ITPA: variants seen among roughly 807,000 people sequenced by gnomAD.
The protein encoded by ITPA is inosine triphosphatase, also known as inosine triphosphate pyrophosphatase.
ITPA carries 29 observed loss-of-function variants against 29.6 expected under a neutral mutation model. The ratio of observed to expected loss-of-function variants is 0.98; its 90% CI spans 0.73 to 1.34. The LOEUF (loss-of-function observed/expected upper bound fraction) is 1.34. ITPA is among the 40% of genes most tolerant of loss of function. The pLI is 0.00. For synonymous variants in ITPA, 103 were observed against 99.3 expected, an observed-to-expected ratio of 1.04 and a Z score of -0.22; for missense variants, 241 against 251.5, an observed-to-expected ratio of 0.96 and a Z score of 0.28.
At chr20:3,220,055 A>C (rs1395865589) in intron 6 of ITPA, among the ~76,000 whole-genome samples, 2 of 148,452 alleles carry the variant, frequency 1.3e-5, no homozygotes, top group South Asian at 2.2e-4. Context: ...AAAAAAAAAA[A>C]AAAAAAACAA....
downstream of ITPA, among the ~76,000 whole-genome samples, chr20:3,225,105 G>A (rs1266238610): frequency 6.6e-6 from 1 of 152,068 alleles, no homozygotes; most frequent in Non-Finnish European, 1.5e-5. Flanking sequence ...TCAGGATTCC[G>A]AGGTGGGAGG....
chr20:3,224,139 A>C (rs562805234), downstream of ITPA, among the ~76,000 whole-genome samples: 110 of 152,276 alleles, frequency 7.2e-4, no homozygotes, highest in African/African-American at 2.5e-3. Flanking sequence ...TGGCACGCCC[A>C]GTGCTTTTGC....
chr20:3,218,108 C>T (rs189402658), intron 5 of ITPA, among the ~76,000 whole-genome samples: 4 of 150,904 alleles, frequency 2.7e-5, no homozygotes, highest in African/African-American at 2.4e-5. Context: ...TTAGTAGAGA[C>T]GGGGTTTCAC....
upstream of ITPA, among the ~76,000 whole-genome samples, chr20:3,205,472 G>A (rs912159896): frequency 6.6e-6 from 1 of 152,170 alleles, no homozygotes; most frequent in Admixed American, 6.6e-5. Flanking sequence ...ACTTTGGGAA[G>A]TCTAGGTAGA....
At chr20:3,204,211 T>C (rs1355643072), upstream of ITPA, among the ~76,000 whole-genome samples, 2 of 151,884 alleles carry the variant, frequency 1.3e-5, no homozygotes, top group Non-Finnish European at 1.5e-5. Context: ...CCCTAACAGG[T>C]GCAGAGGGAA....
intron 6 of ITPA, among the ~76,000 whole-genome samples, chr20:3,219,437 C>T: frequency 6.6e-6 from 1 of 151,804 alleles, no homozygotes; most frequent in East Asian, 1.9e-4. Context: ...AACAAGACCC[C>T]ATCTTTGCAA....
chr20:3,204,461 C>T (rs1256881534), upstream of ITPA: 3 of 1,436,422 alleles, frequency 2.1e-6, no homozygotes, highest in Non-Finnish European at 2.8e-6. Context: ...GCAGGAGCCG[C>T]GGCGCGACGG....
upstream of ITPA, among the ~76,000 whole-genome samples, chr20:3,207,986 A>T (rs1652304540): frequency 2.4e-5 from 3 of 127,346 alleles, no homozygotes; most frequent in Admixed American, 2.5e-4. Flanking sequence ...CTAGAGCAAG[A>T]CTCCGTCTCA....
rs370326110 is a variant in ITPA at position 3,218,631 on chromosome 20, C to T, written c.410C>T (p.Ser137Leu). 6.2e-7 allele frequency: 1 copy of T among 1,607,348 alleles called. No homozygotes were observed. The highest frequency in any genetic ancestry group is 1.3e-5 in the African/African-American group (1 of 74,824). ...GTGCGCCTGTTCAGGGGCCGGACCT[C>T]GGTGCGTACCCACCTTGATGCAGTT... Reference protein sequence around the residue: ...QPVRLFRGRTSGRIVAPRGCQ... With the variant: ...QPVRLFRGRTLGRIVAPRGCQ... Residue 137 changes from serine to leucine, a missense_variant and splice_region_variant, in exon 6 of 8, where the codon TCG becomes TTG. Transcript: ENST00000380113.
At chr20:3,213,506 C>A in intron 3 of ITPA, 123 bp downstream of exon 3, 1 of 1,161,682 alleles carries the variant, frequency 8.6e-7, no homozygotes, top group Non-Finnish European at 1.3e-6. Context: ...GCCCAGAGTC[C>A]TCTAGGGTTC....
chr20:3,223,252 C>G, intron 7 of ITPA, 114 bp from the exon 8 acceptor site: 1 of 804,110 alleles, frequency 1.2e-6, no homozygotes. Flanking sequence ...CCCCACTCCC[C>G]TTTCCTTGGG....
At chr20:3,221,649 A>G in intron 6 of ITPA, 192 bp from the exon 7 acceptor site, 1 of 661,756 alleles carries the variant, frequency 1.5e-6, no homozygotes. Context: ...TGTGTGAGGG[A>G]AGAGCTGCCC....
At chr20:3,206,249 G>A (rs150787922), upstream of ITPA, among the ~76,000 whole-genome samples, 532 of 151,122 alleles carry the variant, frequency 3.5e-3, 2 homozygotes, top group African/African-American at 0.013. Context: ...TTAGCTTGGC[G>A]TGGTGGTGGG....
upstream of ITPA, among the ~76,000 whole-genome samples, chr20:3,206,486 C>T (rs1185811607): frequency 2.6e-5 from 4 of 151,060 alleles, no homozygotes; most frequent in South Asian, 2.1e-4. Flanking sequence ...CACCTGAGGT[C>T]GGGAATTTGA....
chr20:3,204,443 G>A, upstream of ITPA: 3 of 1,317,466 alleles, frequency 2.3e-6, no homozygotes, highest in Non-Finnish European at 3.1e-6. Flanking sequence ...CCGCCCAGGT[G>A]CGCACGCGCA....
rs764069034 is a variant in ITPA, at chr20:3,218,610, G to A, written c.389G>A (p.Arg130His). 2.5e-6 allele frequency: 4 copies of A among 1,613,052 alleles called. No homozygotes were observed. The highest frequency in any genetic ancestry group is 2.2e-5 in the East Asian group (1 of 44,870). ...LSTGDPSQPV[R>H]LFRGRTSGRI... The stretch of plus-strand genomic sequence containing the variant: ...ACCGGGGACCCAAGCCAGCCCGTGC[G>A]CCTGTTCAGGGGCCGGACCTCGGTG... The change falls in exon 6 of 8, where the codon CGC becomes CAC. Residue 130 changes from arginine (R) to histidine (H), a missense_variant. By Grantham distance (29) the Arg-to-His change is conservative (BLOSUM62 0). Coordinates refer to ENST00000380113, the MANE Select transcript of ITPA (RefSeq NM_033453.4).
intron 1 of ITPA, among the ~76,000 whole-genome samples, chr20:3,210,079 C>T (rs1396319350): frequency 6.6e-6 from 1 of 152,202 alleles, no homozygotes; most frequent in East Asian, 1.9e-4. Flanking sequence ...AATGTTCTAA[C>T]CTCTTTTCGC....
upstream of ITPA, among the ~76,000 whole-genome samples, chr20:3,206,737 A>G (rs572814564): frequency 2.1e-3 from 326 of 151,690 alleles, 1 homozygote; most frequent in African/African-American, 7.1e-3. Context: ...AGGCTGAGGC[A>G]GGAGAATGGT....
chr20:3,222,101 T>C (rs773079925), intron 7 of ITPA, among the ~76,000 whole-genome samples, 184 bp downstream of exon 7: 13 of 152,100 alleles, frequency 8.5e-5, no homozygotes, highest in African/African-American at 2.4e-4. Context: ...CAGTCCATGG[T>C]TGGGGAGGCA....
Sources: gnomAD v4.1 joint callset for allele counts (sites outside exome capture counted in the v4.1 genomes callset) on GRCh38, gnomAD v4.1.1 for gene constraint, MANE v1.5 for transcripts, NCBI Gene and HGNC (gene_info 2026-07-23, HGNC 2026-07-21) for gene names.